The following FUT8 variants were observed in gnomAD, a reference collection of about 807,000 sequenced individuals.
FUT8 encodes fucosyltransferase 8.
In FUT8, 29 loss-of-function variants were observed where a neutral mutation model predicts 71.3. That is an observed-to-expected ratio of 0.41 (90% confidence interval 0.30 to 0.55). The LOEUF (loss-of-function observed/expected upper bound fraction) is 0.55, where lower values mean the gene tolerates loss of function less well. Among genes scored for constraint, FUT8 ranks in the 20% least tolerant of loss-of-function variants. FUT8 has a pLI of 0.34. For missense variants in FUT8, 544 were observed against 702.1 expected, an observed-to-expected ratio of 0.77 and a Z score of 2.55; for synonymous variants, 254 against 239.3, an observed-to-expected ratio of 1.06 and a Z score of -0.57.
intron 2 of FUT8, chr14:65,488,592 A>G (rs552158099): frequency 2.6e-5 from 4 of 152,328 alleles, no homozygotes; most frequent in East Asian, 1.9e-4. Context: ...AGGTGAGCCA[A>G]TTTCCTGTGA....
chr14:65,361,739 G>A, the FUT8 span, among the ~76,000 whole-genome samples: 15 of 151,124 alleles, frequency 9.9e-5, no homozygotes, highest in South Asian at 2.1e-4. Flanking sequence ...GTGAGCAGAC[G>A]CTGTGCCATT....
chr14:65,651,948 A>G (rs974090122), intron 6 of FUT8, among the ~76,000 whole-genome samples: 2 of 152,180 alleles, frequency 1.3e-5, no homozygotes, highest in African/African-American at 4.8e-5. Flanking sequence ...CAGAAGAAGA[A>G]AAGTAGGAGT....
intron 2 of FUT8, among the ~76,000 whole-genome samples, chr14:65,544,633 GT>G (rs1409558976): frequency 6.6e-6 from 1 of 152,112 alleles, no homozygotes; most frequent in Non-Finnish European, 1.5e-5. Flanking sequence ...GTGTTATTGT[GT>G]GTAATTGTTA....
At position 65,483,268 on chromosome 14, in the gene FUT8, G is replaced by A. The variant is rs906378544; in HGVS notation, c.-228+27550G>A. On this transcript the variant is annotated intron_variant, in intron 2 of 10. Coordinates refer to ENST00000673929, the MANE Select transcript of FUT8 (RefSeq NM_001371533.1). The surrounding 1 kb of genome is among the most constrained non-coding windows in gnomAD (Gnocchi z 4.4). ...CTCAGCCCTGGGATGGTTTAGGGTC[G>A]GAGGAAGCTCTTGCCTTGGTGTTCT... Among the ~76,000 whole-genome samples the A allele has an allele frequency of 2.0e-5, 3 of 152,160 alleles. No homozygotes were observed. Among genetic ancestry groups the A allele is most frequent in the Non-Finnish European group, 2.9e-5 (2 of 68,022 alleles).
chr14:65,359,153 T>C, the FUT8 span, among the ~76,000 whole-genome samples: 1 of 152,134 alleles, frequency 6.6e-6, no homozygotes, highest in African/African-American at 2.4e-5. Context: ...ACTTTTGGGG[T>C]TTGTCTTACT....
Position 65,712,895 on chromosome 14 carries a change from C to T in FUT8, c.836-8880C>T, listed in dbSNP as rs535333507. Among the ~76,000 whole-genome samples the T allele has an allele frequency of 3.3e-5, 5 of 152,240 alleles. No individual in the cohort carries two copies. The South Asian group carries it at 1.0e-3, about 32-fold the overall frequency. On this transcript the variant is annotated intron_variant, in intron 7 of 10. Coordinates refer to ENST00000673929, the MANE Select transcript of FUT8 (RefSeq NM_001371533.1). ...GGTATCCATCACCTCAAGCATTTAT[C>T]CTTTATGTTACAAACAATCCAATTA...
chr14:65,662,182 C>T (rs1254906631), intron 6 of FUT8, among the ~76,000 whole-genome samples: 3 of 152,092 alleles, frequency 2.0e-5, no homozygotes, highest in East Asian at 3.9e-4. Flanking sequence ...GGGAGCCTGA[C>T]GTGGGAGAAT....
At chr14:65,434,222 A>G (rs1566744390) in intron 1 of FUT8, among the ~76,000 whole-genome samples, 2 of 152,252 alleles carry the variant, frequency 1.3e-5, no homozygotes, top group South Asian at 4.1e-4. Context: ...GGAGAAGTCC[A>G]GGAACAACCA....
At chr14:65,655,772 GGATTT>G (rs1891649935) in intron 6 of FUT8, among the ~76,000 whole-genome samples, 1 of 152,070 alleles carries the variant, frequency 6.6e-6, no homozygotes, top group Non-Finnish European at 1.5e-5. Flanking sequence ...TGACCAAGTG[GGATTT>G]ATCCCTGGGA....
chr14:65,412,461 C>T (rs1258991049), upstream of FUT8: 1 of 406,936 alleles, frequency 2.5e-6, no homozygotes, highest in East Asian at 7.2e-5. Flanking sequence ...CCCCGCTCAG[C>T]CTCCGGCCTT....
intron 10 of FUT8, 113 bp downstream of exon 10, chr14:65,733,494 C>A: frequency 2.8e-6 from 2 of 719,654 alleles, no homozygotes; most frequent in Non-Finnish European, 4.3e-6. Context: ...GACTCAGGTG[C>A]AATTTTTCTG....
chr14:65,617,014 G>A lies in FUT8; in HGVS notation c.482+641G>A, dbSNP rs1222727012. 6 of 1,478,462 alleles carry A rather than the reference G, an allele frequency of 4.1e-6. No homozygotes were observed. In the Admixed American group the frequency reaches 1.5e-4, roughly 37 times the overall value. The allele number at this position is 1,478,462 out of a possible 1,614,324, so 91.6% of individuals were successfully genotyped here. A position where few individuals can be genotyped will look rare whatever the true frequency, so the allele number is the denominator to read the frequency against. ...CTGTTGTATTCATGCAGAACAAAAT[G>A]TATCTGAAAATCATTATAAATACAG... On this transcript the variant is annotated intron_variant, in intron 5 of 10. Transcript: ENST00000673929.
At chr14:65,573,752 T>A (rs1255446134) in intron 3 of FUT8, among the ~76,000 whole-genome samples, 2 of 146,704 alleles carry the variant, frequency 1.4e-5, no homozygotes, top group African/African-American at 2.5e-5. Context: ...AAAAAAAAAA[T>A]AGGGCGTCAG....
the FUT8 span, among the ~76,000 whole-genome samples, chr14:65,387,957 C>G: frequency 6.6e-6 from 1 of 152,080 alleles, no homozygotes; most frequent in African/African-American, 2.4e-5. Context: ...AAAAAGAAGC[C>G]AGAGTATGAT....
the FUT8 span, among the ~76,000 whole-genome samples, chr14:65,371,267 T>C: frequency 6.6e-6 from 1 of 152,216 alleles, no homozygotes; most frequent in Non-Finnish European, 1.5e-5. Context: ...TATTTGAGAG[T>C]TAATTGTTTA....
chr14:65,433,605 TG>T lies in FUT8; in HGVS notation c.-326+20392del, dbSNP rs1434166518. Among the ~76,000 whole-genome samples the T allele has an allele frequency of 2.0e-5, 3 of 152,284 alleles. No individual in the cohort carries two copies. The East Asian group carries it at 5.8e-4, about 29-fold the overall frequency. ...GCTTTAAGTGAGTAGAGTGGTAAAA[TG>T]TAAGGTAATGAAAAGTGAGTACTGC... On this transcript the variant is annotated intron_variant, in intron 1 of 10. Coordinates refer to ENST00000673929, the MANE Select transcript of FUT8 (RefSeq NM_001371533.1).
chr14:65,434,362 G>T (rs1451262068), intron 1 of FUT8, among the ~76,000 whole-genome samples: 1 of 152,212 alleles, frequency 6.6e-6, no homozygotes, highest in African/African-American at 2.4e-5. Flanking sequence ...AGACAGCTGA[G>T]AACTTAGTTC....
At chr14:65,471,761 G>C (rs562952192) in intron 2 of FUT8, among the ~76,000 whole-genome samples, 10 of 151,216 alleles carry the variant, frequency 6.6e-5, no homozygotes, top group African/African-American at 1.9e-4. Context: ...TTTACCCCCA[G>C]CTTTTTTTCT....
rs1029473982 is a variant in FUT8 at position 65,561,537 on chromosome 14, C to A, written c.-27C>A. 1 of 1,608,902 alleles carries A rather than the reference C, an allele frequency of 6.2e-7. No individual in the cohort carries two copies. Among genetic ancestry groups the A allele is most frequent in the African/African-American group, 1.3e-5 (1 of 74,764 alleles). On this transcript the variant is annotated 5_prime_UTR_variant, in exon 3 of 11. Coordinates refer to ENST00000673929, the MANE Select transcript of FUT8 (RefSeq NM_001371533.1). ...TTTCAATTCTTTGAGCTCCAGGACTCCAGGGAAGTGAGTTGAAAATCTGAA... is the reference window on the plus strand; with the variant it reads ...TTTCAATTCTTTGAGCTCCAGGACTACAGGGAAGTGAGTTGAAAATCTGAA...
Sources: allele counts gnomAD v4.1 joint callset (sites outside exome capture counted in the v4.1 genomes callset), GRCh38; gene constraint gnomAD v4.1.1; non-coding constraint Gnocchi (gnomAD v3.1); transcripts MANE v1.5; gene names NCBI Gene and HGNC (gene_info 2026-07-23, HGNC 2026-07-21).